The following SPTLC3 variants were observed in gnomAD, a reference collection of about 807,000 sequenced individuals.
SPTLC3 encodes the protein serine palmitoyltransferase 3.
Under a neutral mutation model 59.3 loss-of-function variants are expected in SPTLC3, and 36 were observed. The observed-to-expected ratio is 0.61, with a 90% CI of 0.47 to 0.80. The LOEUF (loss-of-function observed/expected upper bound fraction) is 0.80. Among genes scored for constraint, SPTLC3 ranks in the 30% least tolerant of loss-of-function variants. SPTLC3 has a pLI of 0.00. For missense variants in SPTLC3, 625 were observed against 685.1 expected (o/e 0.91, Z 0.98); for synonymous variants, 257 against 240.8 (o/e 1.07, Z -0.62).
chr20:13,146,290 G>A (rs1330974344), intron 9 of SPTLC3, among the ~76,000 whole-genome samples: 1 of 152,130 alleles, frequency 6.6e-6, no homozygotes, highest in Non-Finnish European at 1.5e-5. Flanking sequence ...AGGAGGGTGG[G>A]AGGAGGGAGA....
intron 1 of SPTLC3, among the ~76,000 whole-genome samples, chr20:13,009,974 G>T (rs1985148082): frequency 6.6e-6 from 1 of 151,940 alleles, no homozygotes; most frequent in African/African-American, 2.4e-5. Flanking sequence ...AGGGCTGATT[G>T]TGACACACTG....
intron 8 of SPTLC3, 81 bp from the exon 9 acceptor site, chr20:13,126,510 A>C: frequency 6.6e-7 from 1 of 1,523,774 alleles, no homozygotes; most frequent in Non-Finnish European, 8.9e-7. Flanking sequence ...CTATGAGGAT[A>C]GGGATGGGAC....
intron 11 of SPTLC3, among the ~76,000 whole-genome samples, chr20:13,163,623 A>T (rs2038940224): frequency 6.6e-6 from 1 of 152,094 alleles, no homozygotes; most frequent in Non-Finnish European, 1.5e-5. Context: ...CATTTTAAAT[A>T]CTCATACTCC....
At chr20:13,112,465 A>C (rs1990286511) in intron 7 of SPTLC3, among the ~76,000 whole-genome samples, 1 of 152,196 alleles carries the variant, frequency 6.6e-6, no homozygotes, top group South Asian at 2.1e-4. Context: ...GCTCAAGTAC[A>C]TCATGAGGCC....
chr20:13,141,343 G>T (rs1348949807), intron 9 of SPTLC3, among the ~76,000 whole-genome samples: 1 of 152,162 alleles, frequency 6.6e-6, no homozygotes, highest in African/African-American at 2.4e-5. Flanking sequence ...AGGGAAGAGG[G>T]AATGAAAAGC....
Position 13,048,899 on chromosome 20 carries a change from C to G in SPTLC3, c.118-46C>G, listed in dbSNP as rs1987345697. The G allele has an allele frequency of 4.0e-6, 6 of 1,493,426 alleles. No homozygotes were observed. The South Asian group carries it at 8.4e-5, about 21-fold the overall frequency. The allele number at this position is 1,493,426 out of a possible 1,614,324, so 92.5% of individuals were successfully genotyped here. A position where few individuals can be genotyped will look rare whatever the true frequency, so the allele number is the denominator to read the frequency against. On this transcript the variant is annotated intron_variant, in intron 1 of 11. Coordinates refer to ENST00000399002, the MANE Select transcript of SPTLC3 (RefSeq NM_018327.4). ...CACAATTTTAGGTATCATAGTATAT[C>G]TGTAACAGGAGAATGCTAACCTTGG... is the stretch of plus-strand genomic sequence containing the variant.
At chr20:13,137,408 G>C (rs946558591) in intron 9 of SPTLC3, among the ~76,000 whole-genome samples, 1 of 152,004 alleles carries the variant, frequency 6.6e-6, no homozygotes, top group South Asian at 2.1e-4. Context: ...CTGGGAGAAG[G>C]CTCTCCATTC....
chr20:13,046,870 A>G (rs1177107641), intron 1 of SPTLC3, among the ~76,000 whole-genome samples: 1 of 152,164 alleles, frequency 6.6e-6, no homozygotes, highest in Non-Finnish European at 1.5e-5. Flanking sequence ...ACAAGCCAAG[A>G]GTATAACCTT....
At chr20:13,074,526 T>C in intron 4 of SPTLC3, 29 bp downstream of exon 4, 1 of 1,589,042 alleles carries the variant, frequency 6.3e-7, no homozygotes, top group Non-Finnish European at 8.6e-7. Flanking sequence ...TTGAAACTTT[T>C]TGCTGTTAGG....
intron 9 of SPTLC3, among the ~76,000 whole-genome samples, chr20:13,129,697 T>C (rs2038078450): frequency 1.3e-5 from 2 of 152,244 alleles, no homozygotes; most frequent in Admixed American, 1.3e-4. Context: ...CTCCTCCGAT[T>C]GGTTCATCAC....
intron 1 of SPTLC3, among the ~76,000 whole-genome samples, chr20:13,041,207 A>G (rs1181672480): frequency 2.0e-5 from 3 of 151,708 alleles, no homozygotes; most frequent in Admixed American, 1.3e-4. Context: ...TAACACTCAT[A>G]TTGTGTATAT....
intron 4 of SPTLC3, among the ~76,000 whole-genome samples, chr20:13,076,181 T>C (rs1004769238): frequency 1.3e-5 from 2 of 152,168 alleles, no homozygotes; most frequent in Non-Finnish European, 2.9e-5. Flanking sequence ...ATAGAATGAC[T>C]GAAACATGAA....
intron 5 of SPTLC3, 150 bp from the exon 6 acceptor site, chr20:13,093,334 T>C (rs753500813): frequency 8.0e-6 from 5 of 623,526 alleles, no homozygotes; most frequent in Middle Eastern, 2.8e-4. Flanking sequence ...TTTGTCCACA[T>C]AGACACCAGG....
At chr20:13,046,480 T>C (rs1367742) in intron 1 of SPTLC3, among the ~76,000 whole-genome samples, 113,055 of 152,100 alleles carry the variant, frequency 0.74, 42,902 homozygotes, top group Middle Eastern at 0.83. Context: ...ATCTAATCAG[T>C]AGAAGTTCCA....
intron 9 of SPTLC3, among the ~76,000 whole-genome samples, chr20:13,141,852 G>A (rs577147763): frequency 6.6e-6 from 1 of 152,096 alleles, no homozygotes; most frequent in South Asian, 2.1e-4. Context: ...CTGTGCTGGG[G>A]GGCAAAAAAG....
chr20:13,105,580 T>C (rs1198146803), intron 6 of SPTLC3, among the ~76,000 whole-genome samples: 1 of 152,218 alleles, frequency 6.6e-6, no homozygotes, highest in Non-Finnish European at 1.5e-5. Context: ...TTATGTGACC[T>C]TTTTGGTGCA....
chr20:13,053,794 T>A (rs894329461), intron 2 of SPTLC3, among the ~76,000 whole-genome samples: 1 of 151,826 alleles, frequency 6.6e-6, no homozygotes, highest in Admixed American at 6.6e-5. Flanking sequence ...ATATCAGAGA[T>A]TGAAGATCAA....
chr20:13,073,483 AT>A (rs57545320), intron 3 of SPTLC3, among the ~76,000 whole-genome samples: 348 of 145,992 alleles, frequency 2.4e-3, no homozygotes, highest in Admixed American at 5.9e-3. Context: ...CACTAGGATA[AT>A]TTTTTTTTTT....
chr20:13,082,220 C>A (rs961891496), intron 4 of SPTLC3, among the ~76,000 whole-genome samples: 1 of 152,118 alleles, frequency 6.6e-6, no homozygotes, highest in Non-Finnish European at 1.5e-5. Context: ...CATCTTCCCA[C>A]ATAAATACCA....
Sources: allele counts gnomAD v4.1 joint callset (sites outside exome capture counted in the v4.1 genomes callset), GRCh38; gene constraint gnomAD v4.1.1; transcripts MANE v1.5; gene names NCBI Gene and HGNC (gene_info 2026-07-23, HGNC 2026-07-21).